TRMT13: variants seen among roughly 807,000 people sequenced by gnomAD.
TRMT13 encodes the protein tRNA:m(4)X modification enzyme TRM13 homolog.
Under a neutral mutation model 55.9 loss-of-function variants are expected in TRMT13, and 45 were observed. That is an observed-to-expected ratio of 0.80 (90% CI 0.63 to 1.03). The LOEUF is 1.03. TRMT13 is among the 50% of genes least tolerant of loss of function. The pLI is 0.00. For synonymous variants in TRMT13, 183 were observed against 196.3 expected (o/e 0.93, Z 0.57); for missense variants, 513 against 563.9 (o/e 0.91, Z 0.91).
Position 100,140,031 on chromosome 1 carries a change from A to G in TRMT13, c.325-151A>G. On this transcript the variant is annotated intron_variant, in intron 4 of 10. Transcript: ENST00000370141. The stretch of plus-strand genomic sequence containing the variant: ...GGAGTAGAAATTTAGCAGTTGGACA[A>G]TTCTGATGGCAGCTTAGGGAAAAGG... 6.5e-6 allele frequency: 4 copies of G among 617,630 alleles called. No homozygotes were observed. The East Asian group carries it at 1.1e-4, about 17-fold the overall frequency. The allele number at this position is 617,630 out of a possible 1,614,324, so 38.3% of individuals were successfully genotyped here.
chr1:100,148,807 A>G lies in TRMT13; in HGVS notation c.1433A>G (p.Glu478Gly). The G allele has an allele frequency of 1.3e-6, 2 of 1,505,366 alleles. No individual in the cohort carries two copies. Among genetic ancestry groups the G allele is most frequent in the South Asian group, 2.9e-5 (2 of 69,524 alleles). The allele number at this position is 1,505,366 out of a possible 1,614,324, so 93.3% of individuals were successfully genotyped here. ...TALPNHSSSP[E>G]TTA Reference sequence around the variant, plus strand: ...TTACCAAATCATTCTTCATCACCAGAAACAACTGCTTAATGGAAAAGAAAT... The same window carrying G: ...TTACCAAATCATTCTTCATCACCAGGAACAACTGCTTAATGGAAAAGAAAT... Residue 478 changes from glutamate to glycine, a missense_variant, in exon 11 of 11, where the codon GAA becomes GGA. Coordinates refer to ENST00000370141, the MANE Select transcript of TRMT13 (RefSeq NM_019083.3).
intron 1 of TRMT13, among the ~76,000 whole-genome samples, chr1:100,134,669 T>A (rs1181946465): frequency 6.6e-6 from 1 of 152,194 alleles, no homozygotes; most frequent in African/African-American, 2.4e-5. Flanking sequence ...CAAACATCCC[T>A]TGTTGAAGAA....
intron 5 of TRMT13, 71 bp downstream of exon 5, chr1:100,140,322 T>C (rs1656438642): frequency 3.2e-6 from 5 of 1,551,586 alleles, no homozygotes; most frequent in Non-Finnish European, 4.4e-6. Context: ...GATACCATTC[T>C]GGTTTAAAAT....
At chr1:100,145,824 T>C (rs1027426936) in intron 9 of TRMT13, among the ~76,000 whole-genome samples, 1 of 152,228 alleles carries the variant, frequency 6.6e-6, no homozygotes, top group Non-Finnish European at 1.5e-5. Context: ...TCAACTGGGA[T>C]AGCACCACTG....
intron 7 of TRMT13, among the ~76,000 whole-genome samples, chr1:100,142,734 A>G (rs1252440827): frequency 6.6e-6 from 1 of 152,194 alleles, no homozygotes; most frequent in Non-Finnish European, 1.5e-5. Context: ...AATGTAGATC[A>G]GCCGGTCGTG....
Position 100,150,133 on chromosome 1 carries a change from A to T in TRMT13, c.*1313A>T, listed in dbSNP as rs1208952817. The T allele has an allele frequency of 6.6e-6, 1 of 152,348 alleles. No individual in the cohort carries two copies. Among genetic ancestry groups the T allele is most frequent in the Non-Finnish European group, 1.5e-5 (1 of 68,156 alleles). 9.4% of individuals were successfully genotyped at this position (152,348 alleles called of 1,614,324 possible). On this transcript the variant is annotated 3_prime_UTR_variant, in exon 11 of 11. Transcript: ENST00000370141. Reference sequence around the variant, plus strand: ...ATACCTACCTCACAAGGTTGTTGTGAGCATCAAATGAGATAACACAAGTAA... The same window carrying T: ...ATACCTACCTCACAAGGTTGTTGTGTGCATCAAATGAGATAACACAAGTAA...
At position 100,149,086 on chromosome 1, in the gene TRMT13, T is replaced by A. The variant is rs1489064112; in HGVS notation, c.*266T>A. The stretch of plus-strand genomic sequence containing the variant: ...GAGATTGGTAAAGTAGTTGAACCGT[T>A]GACTTGGTGATCTGAAACATACATA... On this transcript the variant is annotated 3_prime_UTR_variant, in exon 11 of 11. Coordinates refer to ENST00000370141, the MANE Select transcript of TRMT13 (RefSeq NM_019083.3). 1 of 1,602,136 alleles carries A rather than the reference T, an allele frequency of 6.2e-7. No individual in the cohort carries two copies. The highest frequency in any genetic ancestry group is 8.5e-7 in the Non-Finnish European group (1 of 1,176,108).
intron 8 of TRMT13, among the ~76,000 whole-genome samples, chr1:100,143,744 A>G (rs986136956): frequency 7.9e-5 from 12 of 152,068 alleles, no homozygotes; most frequent in African/African-American, 2.7e-4. Context: ...TACCTTTTCT[A>G]TTTTTCAGAT....
At chr1:100,147,246 C>T (rs1657382972) in intron 9 of TRMT13, among the ~76,000 whole-genome samples, 1 of 152,196 alleles carries the variant, frequency 6.6e-6, no homozygotes, top group Non-Finnish European at 1.5e-5. Flanking sequence ...TGGAGTACAT[C>T]TGCCTCTTAA....
At chr1:100,134,212 A>T (rs1365566219) in intron 1 of TRMT13, among the ~76,000 whole-genome samples, 1 of 151,970 alleles carries the variant, frequency 6.6e-6, no homozygotes, top group Non-Finnish European at 1.5e-5. Context: ...ATAATTATGC[A>T]TATAAATGTA....
chr1:100,136,764 T>C, intron 1 of TRMT13, 118 bp from the exon 2 acceptor site: 3 of 972,392 alleles, frequency 3.1e-6, no homozygotes, highest in Non-Finnish European at 4.5e-6. Context: ...TTTCATTATG[T>C]CCTTGTAAGG....
intron 1 of TRMT13, among the ~76,000 whole-genome samples, chr1:100,136,655 A>G (rs773363304): frequency 1.7e-4 from 26 of 152,302 alleles, no homozygotes; most frequent in Non-Finnish European, 3.4e-4. Flanking sequence ...GTTTGAAGCT[A>G]TAGACCCTTG....
Position 100,144,092 on chromosome 1 carries a change from G to T in TRMT13, c.766G>T (p.Glu256Ter). ...CLNKIPVLRE[E>*]KLPVVGIGKH... ...AGACAAGATTCCTGTGCTAAGAGAA[G>T]AAAAACTACCTGTGGTAGGAATTGG... The change falls in exon 9 of 11, where the codon GAA becomes TAA. Residue 256 changes from glutamate (E) to a stop codon, truncating the protein, a stop_gained. Transcript: ENST00000370141. LOFTEE classifies it high-confidence loss of function. 1 of 1,613,294 alleles carries T rather than the reference G, an allele frequency of 6.2e-7. No individual in the cohort carries two copies. The highest frequency in any genetic ancestry group is 8.5e-7 in the Non-Finnish European group (1 of 1,179,420).
chr1:100,136,724 T>C (rs1655926087), intron 1 of TRMT13, among the ~76,000 whole-genome samples, 158 bp from the exon 2 acceptor site: 1 of 152,222 alleles, frequency 6.6e-6, no homozygotes, highest in African/African-American at 2.4e-5. Flanking sequence ...AGAGTTTTTG[T>C]TAAACCCTTG....
chr1:100,147,474 T>A (rs1233329759), intron 9 of TRMT13, among the ~76,000 whole-genome samples: 1 of 152,238 alleles, frequency 6.6e-6, no homozygotes, highest in Non-Finnish European at 1.5e-5. Flanking sequence ...CTAAACAGAT[T>A]TGTCTGCCCT....
At position 100,139,692 on chromosome 1, in the gene TRMT13, C is replaced by T. The variant is rs1656352630; in HGVS notation, c.305C>T (p.Thr102Ile). ...ATTAATGCAGGCTTAAGAGATGAAACAGAAATACCTGAACAATTAGTAAGT... is the reference window on the plus strand; with the variant it reads ...ATTAATGCAGGCTTAAGAGATGAAATAGAAATACCTGAACAATTAGTAAGT... ...QDINAGLRDE[T>I]EIPEQLVPIS... is the part of the protein sequence containing the mutation. The change falls in exon 4 of 11, where the codon ACA becomes ATA. Residue 102 changes from threonine (T) to isoleucine (I), a missense_variant. Transcript: ENST00000370141. 2 of 1,535,018 alleles carry T rather than the reference C, an allele frequency of 1.3e-6. No individual in the cohort carries two copies. The highest frequency in any genetic ancestry group is 9.0e-7 in the Non-Finnish European group (1 of 1,112,462).
intron 9 of TRMT13, among the ~76,000 whole-genome samples, chr1:100,144,739 C>T (rs1331489088): frequency 5.3e-5 from 8 of 152,110 alleles, no homozygotes; most frequent in Non-Finnish European, 1.2e-4. Flanking sequence ...ATCTATAAAA[C>T]AGAGATACTA....
intron 9 of TRMT13, chr1:100,144,466 A>AT: frequency 6.0e-6 from 1 of 167,620 alleles, no homozygotes; most frequent in Non-Finnish European, 1.3e-5. Context: ...GAAGCTACTG[A>AT]TTTTTTAGAG....
At chr1:100,143,992 A>G in intron 8 of TRMT13, 77 bp from the exon 9 acceptor site, 3 of 1,240,526 alleles carry the variant, frequency 2.4e-6, no homozygotes, top group Non-Finnish European at 2.3e-6. Context: ...AGAGACTCTA[A>G]TTAGTTCTTT....
Sources: gnomAD v4.1 joint callset for allele counts (sites outside exome capture counted in the v4.1 genomes callset) on GRCh38, gnomAD v4.1.1 for gene constraint, MANE v1.5 for transcripts, NCBI Gene and HGNC (gene_info 2026-07-23, HGNC 2026-07-21) for gene names.